The following IGFL4 variants were observed in gnomAD, a reference collection of about 807,000 sequenced individuals.
The protein encoded by IGFL4 is insulin growth factor-like family member 4.
IGFL4 carries 12 observed loss-of-function variants against 15.4 expected under a neutral mutation model. The ratio of observed to expected loss-of-function variants is 0.78; its 90% confidence interval spans 0.50 to 1.26. IGFL4 has a LOEUF of 1.26. Ranked by LOEUF, IGFL4 falls within the 50% of genes most tolerant of loss-of-function variation. IGFL4 has a pLI of 0.00. For synonymous variants in IGFL4, 54 were observed against 55.9 expected (o/e 0.97, Z 0.16); for missense variants, 126 against 147.8 (o/e 0.85, Z 0.76).
intron 1 of IGFL4, among the ~76,000 whole-genome samples, chr19:46,070,798 G>A (rs1162657867): frequency 6.6e-6 from 1 of 152,104 alleles, no homozygotes; most frequent in African/African-American, 2.4e-5. Flanking sequence ...TCTCTTACAT[G>A]GGTGGGCCTG....
At chr19:46,064,427 C>T (rs772477322) in intron 1 of IGFL4, among the ~76,000 whole-genome samples, 20 of 151,940 alleles carry the variant, frequency 1.3e-4, no homozygotes, top group Non-Finnish European at 1.8e-4. Flanking sequence ...ACCCATTAAC[C>T]ATCCCTCCTA....
At position 46,067,662 on chromosome 19, in the gene IGFL4, G is replaced by C. The variant is rs115961362; in HGVS notation, c.-431-7369C>G. Among the ~76,000 whole-genome samples the C allele has an allele frequency of 3.8e-3, 572 of 152,280 alleles. 5 individuals are homozygous for C. The highest frequency in any genetic ancestry group is 0.013 in the African/African-American group (533 of 41,530). On this transcript the variant is annotated intron_variant, in intron 1 of 5. Coordinates refer to the IGFL4 transcript ENST00000601672. ...CAGGCTCAGAGTGAGTTTCAGGTGA[G>C]GAAAGAGTGATGAACAAGCAGAATG... is the stretch of plus-strand genomic sequence containing the variant.
rs747186176 is a variant in IGFL4, at chr19:46,040,526, CCTT to C, written c.59_61del (p.Glu20del). 7.4e-6 allele frequency: 12 copies of C among 1,614,030 alleles called. No individual in the cohort carries two copies. The highest frequency in any genetic ancestry group is 1.7e-5 in the Admixed American group (1 of 60,004). ...ACTGCATCTGTTCTCACCTGTGACT[CCTT>C]CTGAGTTTGAACCCAAAAGTTCAAA... is the stretch of plus-strand genomic sequence containing the variant. On this transcript the variant is annotated inframe_deletion, in exon 2 of 4. Transcript: ENST00000377697. This position sits in a 1 kb window ranked among gnomAD's most constrained non-coding sequence, Gnocchi z 4.1.
At chr19:46,059,799 T>C (rs1969427721) in intron 2 of IGFL4, 3 of 152,338 alleles carry the variant, frequency 2.0e-5, no homozygotes, top group East Asian at 3.9e-4. Context: ...CTGTGTTTCA[T>C]AAAATGAATC....
intron 1 of IGFL4, among the ~76,000 whole-genome samples, chr19:46,063,172 G>A (rs1393223464): frequency 6.6e-6 from 1 of 152,144 alleles, no homozygotes; most frequent in African/African-American, 2.4e-5. Context: ...AGAGCTTGGA[G>A]CTAGTAGTTC....
At chr19:46,075,240 A>C (rs920793077) in intron 1 of IGFL4, among the ~76,000 whole-genome samples, 1 of 152,234 alleles carries the variant, frequency 6.6e-6, no homozygotes, top group African/African-American at 2.4e-5. Flanking sequence ...CCCGTTAGTA[A>C]CTAAAGTCCA....
intron 2 of IGFL4, among the ~76,000 whole-genome samples, chr19:46,050,532 G>A (rs1340835008): frequency 1.3e-5 from 2 of 152,176 alleles, no homozygotes; most frequent in African/African-American, 2.4e-5. Context: ...GCACTGGAAA[G>A]TCTCAGCGAT....
intron 1 of IGFL4, among the ~76,000 whole-genome samples, chr19:46,069,256 G>A (rs1402359732): frequency 6.6e-6 from 1 of 152,172 alleles, no homozygotes; most frequent in Non-Finnish European, 1.5e-5. Flanking sequence ...TCTGGATTCT[G>A]TGTTGCTGAG....
rs780109999 is a variant in IGFL4, at chr19:46,039,852, G to C, written c.*40C>G. 3.3e-6 allele frequency: 5 copies of C among 1,508,508 alleles called. No individual in the cohort carries two copies. Among genetic ancestry groups the C allele is most frequent in the Non-Finnish European group, 3.7e-6 (4 of 1,083,978 alleles). 93.4% of individuals were successfully genotyped at this position (1,508,508 alleles called of 1,614,324 possible). ...AATGCAGTATAATTACCAAGTATTA[G>C]ATTCTAGAGTGATCTGTGACTCTGC... On this transcript the variant is annotated 3_prime_UTR_variant, in exon 4 of 4. Transcript: ENST00000377697.
At chr19:46,075,085 AT>A (rs947784576) in intron 1 of IGFL4, among the ~76,000 whole-genome samples, 169 of 55,284 alleles carry the variant, frequency 3.1e-3, no homozygotes, top group African/African-American at 5.8e-3. Flanking sequence ...AGTTTAAAGA[AT>A]AATTTATTTT....
At chr19:46,050,263 T>C (rs1969333381) in intron 2 of IGFL4, among the ~76,000 whole-genome samples, 1 of 152,078 alleles carries the variant, frequency 6.6e-6, no homozygotes, top group African/African-American at 2.4e-5. Flanking sequence ...ACAAACCTCT[T>C]TAACACCCCC....
chr19:46,040,874 G>A lies in IGFL4; in HGVS notation c.19+70C>T. 7.2e-7 allele frequency: 1 copy of A among 1,393,048 alleles called. No homozygotes were observed. Among genetic ancestry groups the A allele is most frequent in the South Asian group, 1.2e-5 (1 of 80,816 alleles). 86.3% of individuals were successfully genotyped at this position (1,393,048 alleles called of 1,614,324 possible). ...AAATAGGGAAGAGAGAATTAACTTT[G>A]AAGTTCAGAAATAATTAGGGATGTG... On this transcript the variant is annotated intron_variant, in intron 1 of 3. Transcript: ENST00000377697. The surrounding 1 kb of genome is among the most constrained non-coding windows in gnomAD (Gnocchi z 4.1).
intron 2 of IGFL4, among the ~76,000 whole-genome samples, chr19:46,047,912 A>G (rs1219161337): frequency 6.6e-6 from 1 of 152,244 alleles, no homozygotes; most frequent in Non-Finnish European, 1.5e-5. Context: ...TCCCTAATTC[A>G]TCCTATGAGC....
At chr19:46,052,509 T>C (rs1418973786) in intron 2 of IGFL4, among the ~76,000 whole-genome samples, 1 of 151,974 alleles carries the variant, frequency 6.6e-6, no homozygotes, top group Admixed American at 6.6e-5. Flanking sequence ...ATTAAATACC[T>C]ACATCAAAAA....
At chr19:46,066,372 A>T (rs713411) in intron 1 of IGFL4, among the ~76,000 whole-genome samples, 3 of 152,000 alleles carry the variant, frequency 2.0e-5, no homozygotes, top group Non-Finnish European at 4.4e-5. Flanking sequence ...ACTGGCAACC[A>T]TAACTAGGAA....
chr19:46,047,302 A>C (rs1397830900), intron 2 of IGFL4, among the ~76,000 whole-genome samples: 4 of 152,228 alleles, frequency 2.6e-5, no homozygotes, highest in Non-Finnish European at 5.9e-5. Context: ...GAAAGCTAGA[A>C]AGATCTCAAG....
chr19:46,074,741 C>A lies in IGFL4; in HGVS notation c.-432+2279G>T, dbSNP rs534672098. Among the ~76,000 whole-genome samples the A allele has an allele frequency of 5.3e-5, 8 of 152,342 alleles. No homozygotes were observed. The East Asian group carries it at 1.4e-3, about 26-fold the overall frequency. On this transcript the variant is annotated intron_variant, in intron 1 of 5. Transcript: ENST00000601672. ...GTGCCCACCCAGATTAACATCGGGT[C>A]TGCCTTTCCCAACCCACTGACCCAA...
chr19:46,048,421 G>A (rs1016228739), intron 2 of IGFL4, among the ~76,000 whole-genome samples: 1 of 152,104 alleles, frequency 6.6e-6, no homozygotes. Flanking sequence ...TCTGGCCAGG[G>A]CAATTAGGCT....
intron 2 of IGFL4, among the ~76,000 whole-genome samples, chr19:46,051,546 AAAAACAAAAC>A (rs374201158): frequency 3.9e-5 from 6 of 152,146 alleles, no homozygotes; most frequent in African/African-American, 1.2e-4. Context: ...CTTTGTCTCA[AAAAACAAAAC>A]AAAACAAAAC....
Sources: gnomAD v4.1 joint callset for allele counts (sites outside exome capture counted in the v4.1 genomes callset) on GRCh38, gnomAD v4.1.1 for gene constraint, Gnocchi (gnomAD v3.1) non-coding constraint, MANE v1.5 for transcripts, NCBI Gene and HGNC (gene_info 2026-07-23, HGNC 2026-07-21) for gene names.